The following ELMO1 variants were observed in gnomAD, a reference collection of about 807,000 sequenced individuals.
ELMO1 encodes the protein engulfment and cell motility 1.
A neutral mutation model predicts 98.9 loss-of-function variants in ELMO1; 26 were observed. The ratio of observed to expected loss-of-function variants is 0.26; its 90% CI spans 0.19 to 0.36. ELMO1 has a LOEUF of 0.36. Ranked by LOEUF, ELMO1 falls within the 10% of genes least tolerant of loss-of-function variation. The probability of loss-of-function intolerance (pLI) is 1.00; values close to 1 mark genes in which losing one functional copy is unlikely to be tolerated. For synonymous variants in ELMO1, 346 were observed against 346.0 expected, an observed-to-expected ratio of 1.00 and a Z score of 0.00; for missense variants, 627 against 935.2, an observed-to-expected ratio of 0.67 and a Z score of 4.30.
intron 15 of ELMO1, among the ~76,000 whole-genome samples, chr7:37,087,434 G>A (rs1285827286): frequency 6.6e-6 from 1 of 151,428 alleles, no homozygotes; most frequent in East Asian, 1.9e-4. Flanking sequence ...GTCACTTTCT[G>A]GCAGATTTTT....
rs201421815 is a variant in ELMO1, at chr7:37,082,541, C to CA, written c.1300+14077dup. Among the ~76,000 whole-genome samples the CA allele has an allele frequency of 2.3e-3, 344 of 149,984 alleles. 4 individuals carry two copies. Among genetic ancestry groups the CA allele is most frequent in the African/African-American group, 8.1e-3 (332 of 40,924 alleles). ...TAACATGGTGAAACCCTGTCTCTACCAAAAAAAAATTGGTATAGTGTAGAG... is the reference window on the plus strand; with the variant it reads ...TAACATGGTGAAACCCTGTCTCTACCAAAAAAAAAATTGGTATAGTGTAGAG... On this transcript the variant is annotated intron_variant, in intron 15 of 21. Coordinates refer to ENST00000310758, the MANE Select transcript of ELMO1 (RefSeq NM_014800.11).
chr7:37,376,383 G>C (rs867353559), intron 1 of ELMO1, among the ~76,000 whole-genome samples: 2 of 152,192 alleles, frequency 1.3e-5, no homozygotes, highest in Non-Finnish European at 2.9e-5. Flanking sequence ...TTGTTCCCTA[G>C]CTTGCTTACT....
intron 1 of ELMO1, among the ~76,000 whole-genome samples, chr7:37,416,829 A>C (rs1804236584): frequency 1.3e-5 from 2 of 152,218 alleles, no homozygotes; most frequent in African/African-American, 4.8e-5. Context: ...GCTGACAACA[A>C]TCTTGTAAGC....
At chr7:36,959,298 T>C (rs916882862) in intron 16 of ELMO1, among the ~76,000 whole-genome samples, 2 of 152,074 alleles carry the variant, frequency 1.3e-5, no homozygotes, top group African/African-American at 4.8e-5. Context: ...GTCTCAGTGG[T>C]CTTTTAAAAT....
chr7:37,117,902 T>C (rs766489732), intron 14 of ELMO1, among the ~76,000 whole-genome samples: 7 of 152,162 alleles, frequency 4.6e-5, no homozygotes, highest in Non-Finnish European at 8.8e-5. Context: ...TAAAAAAAGG[T>C]TCCTTTACAT....
chr7:36,857,257 C>T (rs1165436625), intron 21 of ELMO1, among the ~76,000 whole-genome samples: 1 of 152,172 alleles, frequency 6.6e-6, no homozygotes, highest in African/African-American at 2.4e-5. Context: ...TGATCTGATT[C>T]TGAACATGTC....
intron 16 of ELMO1, among the ~76,000 whole-genome samples, chr7:36,931,722 T>G (rs1466028301): frequency 6.6e-6 from 1 of 152,204 alleles, no homozygotes; most frequent in East Asian, 1.9e-4. Context: ...CAGCACATGG[T>G]GGAGTGCATG....
At chr7:37,037,574 C>T (rs1053566201) in intron 15 of ELMO1, among the ~76,000 whole-genome samples, 9 of 152,174 alleles carry the variant, frequency 5.9e-5, no homozygotes, top group African/African-American at 2.2e-4. Flanking sequence ...CTGCCCCTAG[C>T]AAGGGACTGA....
rs528816346 is a variant in ELMO1 at position 36,870,641 on chromosome 7, G to A, written c.1823-166C>T. 3.1e-4 allele frequency among the ~76,000 whole-genome samples: 47 copies of A among 152,236 alleles called. 1 individual carries two copies. The South Asian group carries it at 3.1e-3, about 10-fold the overall frequency. On this transcript the variant is annotated intron_variant, in intron 19 of 21. Transcript: ENST00000310758. This position sits in a 1 kb window ranked among gnomAD's most constrained non-coding sequence, Gnocchi z 4.4. ...GGAAGAGAAGCCAGGTAGTGTCCCA[G>A]GATTAGAAACTAAAATATATCTTAT...
intron 4 of ELMO1, among the ~76,000 whole-genome samples, chr7:37,289,826 AG>A (rs1421817374): frequency 1.3e-5 from 2 of 151,920 alleles, no homozygotes; most frequent in African/African-American, 2.4e-5. Context: ...TGGAGGAGTT[AG>A]TAGGGATACT....
intron 14 of ELMO1, among the ~76,000 whole-genome samples, chr7:37,103,843 A>AATATATATATATT (rs1563003122): frequency 1.3e-5 from 2 of 150,120 alleles, no homozygotes. Context: ...AAGAATACAA[A>AATATATATATATT]ATATATATAT....
At chr7:37,196,114 C>A (rs1446308126) in intron 13 of ELMO1, among the ~76,000 whole-genome samples, 1 of 152,188 alleles carries the variant, frequency 6.6e-6, no homozygotes, top group Non-Finnish European at 1.5e-5. Context: ...AAATGAACAA[C>A]ATCAAGAAGG....
At chr7:36,911,464 C>T (rs74425702) in intron 16 of ELMO1, among the ~76,000 whole-genome samples, 7,361 of 152,208 alleles carry the variant, frequency 0.048, 286 homozygotes, top group South Asian at 0.15. Context: ...GCTGTAAATG[C>T]TTGCTCTTTT....
intron 4 of ELMO1, among the ~76,000 whole-genome samples, chr7:37,308,399 T>C (rs1159797913): frequency 6.6e-6 from 1 of 152,204 alleles, no homozygotes; most frequent in Non-Finnish European, 1.5e-5. Flanking sequence ...CACATCTGGA[T>C]GGTCCTACGC....
intron 1 of ELMO1, among the ~76,000 whole-genome samples, chr7:37,369,339 C>A (rs1172587042): frequency 1.3e-5 from 2 of 152,104 alleles, no homozygotes; most frequent in Admixed American, 1.3e-4. Context: ...CATCCCTAAT[C>A]CAAAAATCTG....
At chr7:37,330,556 G>T (rs552125212) in intron 2 of ELMO1, among the ~76,000 whole-genome samples, 1 of 152,214 alleles carries the variant, frequency 6.6e-6, no homozygotes, top group Admixed American at 6.5e-5. Context: ...GAACCTGACT[G>T]CCATCAATCA....
chr7:36,894,822 T>G, intron 17 of ELMO1, 32 bp downstream of exon 17: 1 of 1,613,656 alleles, frequency 6.2e-7, no homozygotes, highest in East Asian at 2.2e-5. Context: ...TAGAGTCTTT[T>G]GGGAGATAGA....
At chr7:37,097,877 C>G (rs58212485) in intron 14 of ELMO1, among the ~76,000 whole-genome samples, 34,750 of 152,146 alleles carry the variant, frequency 0.23, 6,462 homozygotes, top group African/African-American at 0.52. Context: ...TTTCCCCTTT[C>G]GTTGCTCAAT....
In ELMO1 at chr7:37,134,558, C is replaced by CAAAAA. The variant is rs370768267; in HGVS notation, c.1087-1329_1087-1325dup. On this transcript the variant is annotated intron_variant, in intron 13 of 21. Coordinates refer to ENST00000310758, the MANE Select transcript of ELMO1 (RefSeq NM_014800.11). ...TGGGCAACAGGGCAAGACTCCATCT[C>CAAAAA]AAAAAAAAAAAAAAAAAGAAGAAAT... 1.1e-3 allele frequency among the ~76,000 whole-genome samples: 99 copies of CAAAAA among 89,248 alleles called. 1 individual carries two copies. Among genetic ancestry groups the CAAAAA allele is most frequent in the African/African-American group, 3.3e-3 (98 of 29,340 alleles). 58.6% of individuals were successfully genotyped at this position (89,248 alleles called of 152,430 possible).
Sources: allele counts gnomAD v4.1 joint callset (sites outside exome capture counted in the v4.1 genomes callset), GRCh38; gene constraint gnomAD v4.1.1; non-coding constraint Gnocchi (gnomAD v3.1); transcripts MANE v1.5; gene names NCBI Gene and HGNC (gene_info 2026-07-23, HGNC 2026-07-21).